The following IFT122 variants were observed in gnomAD, a reference collection of about 807,000 sequenced individuals.
The protein encoded by IFT122 is intraflagellar transport 122.
A neutral mutation model predicts 161.6 loss-of-function variants in IFT122; 118 were observed. The ratio of observed to expected loss-of-function variants is 0.73; its 90% confidence interval spans 0.63 to 0.85. IFT122 has a LOEUF of 0.85. Among genes scored for constraint, IFT122 ranks in the 40% least tolerant of loss-of-function variants. The pLI is 0.00. For synonymous variants in IFT122, 550 were observed against 602.4 expected, an observed-to-expected ratio of 0.91 and a Z score of 1.27; for missense variants, 1,381 against 1,579.6, an observed-to-expected ratio of 0.87 and a Z score of 2.13.
At chr3:129,506,307 C>A in intron 21 of IFT122, 102 bp from the exon 22 acceptor site, 1 of 1,394,430 alleles carries the variant, frequency 7.2e-7, no homozygotes, top group Non-Finnish European at 1.0e-6. Context: ...GAGTGTCCTA[C>A]TTCCAAAGCA....
At chr3:129,469,494 T>TA (rs1559889962) in intron 9 of IFT122, 77 bp downstream of exon 9, 4 of 1,133,328 alleles carry the variant, frequency 3.5e-6, no homozygotes. Flanking sequence ...TACTATTAAT[T>TA]ATACATTATC....
chr3:129,461,094 T>C, intron 4 of IFT122, 134 bp from the exon 5 acceptor site: 1 of 946,588 alleles, frequency 1.1e-6, no homozygotes, highest in African/African-American at 1.6e-5. Flanking sequence ...ATTTCTGTGC[T>C]TTTTGTTGGT....
At chr3:129,485,038 T>G (rs2079111094) in intron 15 of IFT122, among the ~76,000 whole-genome samples, 2 of 152,218 alleles carry the variant, frequency 1.3e-5, no homozygotes, top group Non-Finnish European at 2.9e-5. Context: ...TGCCTTGTAT[T>G]TACAGCTGCA....
intron 1 of IFT122, among the ~76,000 whole-genome samples, chr3:129,444,833 T>C (rs1195271538): frequency 6.6e-6 from 1 of 152,236 alleles, no homozygotes; most frequent in Non-Finnish European, 1.5e-5. Flanking sequence ...TTTACACTCT[T>C]TAACAATTCT....
chr3:129,466,495 CTTTTTTTTTTTTTTTT>C (rs527470540), intron 7 of IFT122, among the ~76,000 whole-genome samples: 2 of 102,184 alleles, frequency 2.0e-5, no homozygotes, highest in African/African-American at 7.4e-5. Flanking sequence ...TATTTTTATT[CTTTTTTTTTTTTTTTT>C]TTTTTTTTGA....
At chr3:129,495,048 T>A (rs1402770877) in intron 17 of IFT122, among the ~76,000 whole-genome samples, 1 of 152,226 alleles carries the variant, frequency 6.6e-6, no homozygotes, top group Non-Finnish European at 1.5e-5. Flanking sequence ...AACATTCTCC[T>A]GCTCTGTCAT....
Position 129,466,926 on chromosome 3 carries a change from G to A in IFT122, c.600G>A (p.Glu200=), listed in dbSNP as rs1173223859. 1.2e-6 allele frequency: 2 copies of A among 1,614,208 alleles called. No individual in the cohort carries two copies. Among genetic ancestry groups the A allele is most frequent in the South Asian group, 1.1e-5 (1 of 91,084 alleles). ...WESFWMNREN[E]DAEDVIVNRY... is the part of the protein sequence containing the mutation. Reference sequence around the variant, plus strand: ...GTTTCTGGATGAACAGAGAGAATGAGGATGCCGAGGATGTCATTGTCAACA... The same window carrying A: ...GTTTCTGGATGAACAGAGAGAATGAAGATGCCGAGGATGTCATTGTCAACA... The change falls in exon 8 of 30, where the codon GAG becomes GAA. Residue 200 remains glutamate (E), a synonymous_variant. Coordinates refer to ENST00000348417, the MANE Select transcript of IFT122 (RefSeq NM_052989.3).
At chr3:129,453,268 T>C (rs1016578497) in intron 3 of IFT122, among the ~76,000 whole-genome samples, 1 of 151,946 alleles carries the variant, frequency 6.6e-6, no homozygotes, top group Non-Finnish European at 1.5e-5. Flanking sequence ...AGGAATCTAA[T>C]GGAAATTCTC....
rs779694237 is a variant in IFT122, at chr3:129,478,213, T to A, written c.1345T>A (p.Cys449Ser). The A allele has an allele frequency of 1.2e-6, 2 of 1,614,084 alleles. No homozygotes were observed. Among genetic ancestry groups the A allele is most frequent in the South Asian group, 1.1e-5 (1 of 91,086 alleles). Residue 449 changes from cysteine to serine, a missense_variant, in exon 12 of 30, where the codon TGC becomes AGC. By Grantham distance (112) the Cys-to-Ser change is moderately radical. Around this residue, in one of 7 missense-constraint regions of IFT122, gnomAD observed 544 missense variants for 648.0 expected, o/e 0.84. Transcript: ENST00000348417. The stretch of plus-strand genomic sequence containing the variant: ...GGTGTGTGCCAATCACATCATCCTG[T>A]GCCAGGTGGGCAGCAGCATGTTGAA... ...LVVCANHIIL[C>S]QEKRLQCLSF... is the part of the protein sequence containing the mutation.
intron 9 of IFT122, among the ~76,000 whole-genome samples, chr3:129,472,214 A>G (rs935317737): frequency 7.9e-5 from 12 of 152,268 alleles, no homozygotes; most frequent in Middle Eastern, 3.4e-3. Context: ...GTGCAGTGGT[A>G]TGATCATGGT....
chr3:129,509,491 T>C (rs971103498), intron 23 of IFT122, among the ~76,000 whole-genome samples: 1 of 152,254 alleles, frequency 6.6e-6, no homozygotes, highest in Middle Eastern at 3.2e-3. Flanking sequence ...CCAAATGCGT[T>C]GTCGATGTTA....
rs56038317 is a variant in IFT122, at chr3:129,479,473, C to T, written c.1351-312C>T. ...TAAATAAATAATCAAAGTTAGAACT[C>T]CAAGCGGTTTAGGGTTGCTACAAAT... On this transcript the variant is annotated intron_variant, in intron 12 of 29. Coordinates refer to ENST00000348417, the MANE Select transcript of IFT122 (RefSeq NM_052989.3). Among the ~76,000 whole-genome samples the T allele has an allele frequency of 0.13, 19,548 of 151,880 alleles. 1,585 individuals are homozygous for T. The highest frequency in any genetic ancestry group is 0.24 in the South Asian group (1,155 of 4,798).
intron 13 of IFT122, among the ~76,000 whole-genome samples, chr3:129,480,797 G>C (rs1469739566): frequency 6.6e-6 from 1 of 152,066 alleles, no homozygotes; most frequent in East Asian, 1.9e-4. Context: ...TTTTACATGA[G>C]GATAATACCA....
chr3:129,483,089 C>T (rs1465158796), intron 14 of IFT122, among the ~76,000 whole-genome samples: 1 of 144,860 alleles, frequency 6.9e-6, no homozygotes, highest in East Asian at 2.1e-4. Context: ...CTGGCTTTTC[C>T]TCTTCTCCAC....
In IFT122 at chr3:129,463,635, A is replaced by G. The variant is rs774120123; in HGVS notation, c.416+9A>G. 5.6e-6 allele frequency: 9 copies of G among 1,606,232 alleles called. No individual in the cohort carries two copies. The East Asian group carries it at 2.0e-4, about 36-fold the overall frequency. ...AAGATCATCTGCTGCAGGTAAGTGC[A>G]GCTCTGACGATAAGATTTATGTTCC... On this transcript the variant is annotated intron_variant, in intron 6 of 29. Coordinates refer to ENST00000348417, the MANE Select transcript of IFT122 (RefSeq NM_052989.3).
chr3:129,511,749 C>T (rs919096953), intron 23 of IFT122, among the ~76,000 whole-genome samples: 6 of 152,168 alleles, frequency 3.9e-5, no homozygotes, highest in Admixed American at 6.5e-5. Flanking sequence ...TGAGGAACTC[C>T]GCATGTGTGC....
intron 15 of IFT122, chr3:129,487,757 C>CG (rs58259329): frequency 0.2 from 47,759 of 234,764 alleles, 7,972 homozygotes; most frequent in East Asian, 0.5. Flanking sequence ...CCACTGCCCA[C>CG]GGCTGTGCAC....
intron 14 of IFT122, among the ~76,000 whole-genome samples, chr3:129,482,097 A>G (rs1296192270): frequency 6.6e-6 from 1 of 152,212 alleles, no homozygotes; most frequent in East Asian, 1.9e-4. Context: ...GCCTGTGTCT[A>G]TGCGCACCTA....
Position 129,459,748 on chromosome 3 carries a change from C to T in IFT122, c.272+1071C>T, listed in dbSNP as rs1249411732. On this transcript the variant is annotated intron_variant, in intron 4 of 29. Coordinates refer to ENST00000348417, the MANE Select transcript of IFT122 (RefSeq NM_052989.3). ...TCCTTCCCTCCCTCCCTCCCTTCTT[C>T]CTTCCTTCCTTCCTTCCTTCCTTCC... Among the ~76,000 whole-genome samples, 218 of 72,540 alleles carry T rather than the reference C, an allele frequency of 3.0e-3. 6 individuals are homozygous for T. Among genetic ancestry groups the T allele is most frequent in the African/African-American group, 0.024 (136 of 5,596 alleles). 47.6% of individuals were successfully genotyped at this position (72,540 alleles called of 152,430 possible).
Sources: allele counts gnomAD v4.1 joint callset (sites outside exome capture counted in the v4.1 genomes callset), GRCh38; gene constraint gnomAD v4.1.1; regional missense constraint gnomAD v4.1.1; transcripts MANE v1.5; gene names NCBI Gene and HGNC (gene_info 2026-07-23, HGNC 2026-07-21).